Variants in SYT7 observed in about 807,000 individuals in gnomAD.
The protein encoded by SYT7 is synaptotagmin-7.
In SYT7, 29 loss-of-function variants were observed where a neutral mutation model predicts 75.1. The ratio of observed to expected loss-of-function variants is 0.39; its 90% CI spans 0.29 to 0.53. The LOEUF (loss-of-function observed/expected upper bound fraction) is 0.53. Among genes scored for constraint, SYT7 ranks in the 20% least tolerant of loss-of-function variants. The pLI is 0.77. For missense variants in SYT7, 693 were observed against 953.2 expected (o/e 0.73, Z 3.59); for synonymous variants, 376 against 401.7 (o/e 0.94, Z 0.76).
rs182522257 is a variant in SYT7 at position 61,562,887 on chromosome 11, A to C, written c.32-6680T>G. ...TCAGCAAGATGATTTATGGATGAACAGAATCAAACAGGGCTGCTGGCTGCT... is the reference window on the plus strand; with the variant it reads ...TCAGCAAGATGATTTATGGATGAACCGAATCAAACAGGGCTGCTGGCTGCT... On this transcript the variant is annotated intron_variant, in intron 1 of 12. Coordinates refer to ENST00000539008, the MANE Select transcript of SYT7 (RefSeq NM_001365809.2). 3.0e-3 allele frequency among the ~76,000 whole-genome samples: 463 copies of C among 152,330 alleles called. 6 individuals carry two copies. In the South Asian group the frequency reaches 0.038, roughly 13 times the overall value.
Position 61,537,477 on chromosome 11 carries a change from C to T in SYT7, c.1064+667G>A, listed in dbSNP as rs368127228. On this transcript the variant is annotated intron_variant, in intron 7 of 12. Transcript: ENST00000539008. ...GCTATGCCCAGTCTCCACAGGGTCCCGAGGCCAGCCGCAGTGAAAAGGAGC... is the reference window on the plus strand; with the variant it reads ...GCTATGCCCAGTCTCCACAGGGTCCTGAGGCCAGCCGCAGTGAAAAGGAGC... Among the ~76,000 whole-genome samples, 9 of 152,310 alleles carry T rather than the reference C, an allele frequency of 5.9e-5. No individual in the cohort carries two copies. In the South Asian group the frequency reaches 6.2e-4, roughly 11 times the overall value.
chr11:61,577,543 C>T (rs2135459563), intron 1 of SYT7, among the ~76,000 whole-genome samples: 1 of 152,350 alleles, frequency 6.6e-6, no homozygotes, highest in African/African-American at 2.4e-5. Flanking sequence ...ACCTCCCTCA[C>T]CCGCCATCAG....
At chr11:61,563,175 C>T (rs1255604870) in intron 1 of SYT7, among the ~76,000 whole-genome samples, 1 of 152,202 alleles carries the variant, frequency 6.6e-6, no homozygotes, top group East Asian at 1.9e-4. Context: ...ATTCTCTCCC[C>T]ATGAATTTGC....
At chr11:61,520,323 A>C (rs919447801) in intron 12 of SYT7, among the ~76,000 whole-genome samples, 11 of 152,040 alleles carry the variant, frequency 7.2e-5, no homozygotes, top group African/African-American at 2.7e-4. Flanking sequence ...CAGGAGTTTG[A>C]GACCAGATTG....
chr11:61,562,033 C>T (rs955906089), intron 1 of SYT7, among the ~76,000 whole-genome samples: 1 of 150,682 alleles, frequency 6.6e-6, no homozygotes, highest in African/African-American at 2.5e-5. Context: ...CACACACATG[C>T]ATGCACACAC....
At chr11:61,529,519 C>T (rs1813974538) in intron 8 of SYT7, among the ~76,000 whole-genome samples, 1 of 152,224 alleles carries the variant, frequency 6.6e-6, no homozygotes, top group South Asian at 2.1e-4. Context: ...GACTCAAAAT[C>T]CTGCTCTTTC....
upstream of SYT7, among the ~76,000 whole-genome samples, chr11:61,581,865 A>G (rs144871523): frequency 3.9e-5 from 6 of 152,200 alleles, no homozygotes; most frequent in East Asian, 9.7e-4. Context: ...TCTCCTTCCA[A>G]CCCTGGACCT....
In SYT7 at chr11:61,554,896, GT is replaced by G. The variant is rs751835464; in HGVS notation, c.135+1207del. On this transcript the variant is annotated intron_variant, in intron 2 of 12. Transcript: ENST00000539008. ...CCTCCACTATGGCTCCTCCCCAGGGGTCGGAGCTGCCTGAAGTTCAACACCC... is the reference window on the plus strand; with the variant it reads ...CCTCCACTATGGCTCCTCCCCAGGGGCGGAGCTGCCTGAAGTTCAACACCC... 1.9e-3 allele frequency among the ~76,000 whole-genome samples: 284 copies of G among 152,312 alleles called. 1 individual carries two copies. The highest frequency in any genetic ancestry group is 0.01 in the Middle Eastern group (3 of 294).
rs1018827880 is a variant in SYT7 at position 61,546,905 on chromosome 11, G to C, written c.347+272C>G. Among the ~76,000 whole-genome samples, 3 of 152,084 alleles carry C rather than the reference G, an allele frequency of 2.0e-5. No individual in the cohort carries two copies. The highest frequency in any genetic ancestry group is 4.4e-5 in the Non-Finnish European group (3 of 68,002). On this transcript the variant is annotated intron_variant, in intron 4 of 12. Transcript: ENST00000539008. The surrounding 1 kb of genome is among the most constrained non-coding windows in gnomAD (Gnocchi z 7.6). ...GGTGGGGTGGGCCCCGGGACCAGCT[G>C]GGGGGGCCAGGTATGGCTGCCGAGG... is the stretch of plus-strand genomic sequence containing the variant.
rs11820517 is a variant in SYT7, at chr11:61,576,553, C to T, written c.31+4237G>A. Among the ~76,000 whole-genome samples, 8,022 of 152,300 alleles carry T rather than the reference C, an allele frequency of 0.053. 428 individuals are homozygous for T. The highest frequency in any genetic ancestry group is 0.14 in the African/African-American group (5,705 of 41,546). On this transcript the variant is annotated intron_variant, in intron 1 of 12. Coordinates refer to ENST00000539008, the MANE Select transcript of SYT7 (RefSeq NM_001365809.2). The surrounding 1 kb of genome is among the most constrained non-coding windows in gnomAD (Gnocchi z 4.1). The stretch of plus-strand genomic sequence containing the variant: ...TTCTCCAGCTGGGGGTCATCAGCTC[C>T]GGACTGGGCCTCCCGCCCCCACGTG...
intron 1 of SYT7, among the ~76,000 whole-genome samples, chr11:61,562,466 CTG>C (rs2063662974): frequency 6.6e-6 from 1 of 152,162 alleles, no homozygotes; most frequent in Non-Finnish European, 1.5e-5. Context: ...AGCACAGTGC[CTG>C]ACACGGAATA....
At position 61,527,628 on chromosome 11, in the gene SYT7, T is replaced by C. The variant is rs142657591; in HGVS notation, c.1471+287A>G. On this transcript the variant is annotated intron_variant, in intron 9 of 12. Transcript: ENST00000539008. ...GCCTCTGGCTGTGATGCTGGCTCCA[T>C]TGGGCTCCTGTGACCTGATCCCAAC... Among the ~76,000 whole-genome samples, 652 of 152,250 alleles carry C rather than the reference T, an allele frequency of 4.3e-3. 4 individuals are homozygous for C. Among genetic ancestry groups the C allele is most frequent in the African/African-American group, 0.013 (540 of 41,548 alleles).
In SYT7 at chr11:61,523,374, T is replaced by G; in HGVS notation, c.1757-100A>C. On this transcript the variant is annotated intron_variant, in intron 11 of 12. Transcript: ENST00000539008. The surrounding 1 kb of genome is among the most constrained non-coding windows in gnomAD (Gnocchi z 5.0). ...AATGGAAGCTGAGGCAGGAGGGCCGTGTGCTTTCCCCAGAGGCAAGGAAAG... is the reference window on the plus strand; with the variant it reads ...AATGGAAGCTGAGGCAGGAGGGCCGGGTGCTTTCCCCAGAGGCAAGGAAAG... The G allele has an allele frequency of 8.3e-7, 1 of 1,200,852 alleles. No homozygotes were observed. The highest frequency in any genetic ancestry group is 1.2e-6 in the Non-Finnish European group (1 of 822,260). The allele number at this position is 1,200,852 out of a possible 1,614,324, so 74.4% of individuals were successfully genotyped here.
chr11:61,549,187 AC>A (rs1452740894), intron 3 of SYT7, among the ~76,000 whole-genome samples: 3 of 151,774 alleles, frequency 2.0e-5, no homozygotes, highest in Admixed American at 2.0e-4. Flanking sequence ...AAAAAAATCC[AC>A]CCAGAGTCAC....
intron 2 of SYT7, among the ~76,000 whole-genome samples, chr11:61,554,246 C>A (rs1026105669): frequency 6.6e-6 from 1 of 152,038 alleles, no homozygotes; most frequent in Non-Finnish European, 1.5e-5. Context: ...GGGGTGGAGA[C>A]CAGTTACAGT....
In SYT7 at chr11:61,576,378, A is replaced by G. The variant is rs1257642156; in HGVS notation, c.31+4412T>C. Reference sequence around the variant, plus strand: ...GCTGGTGCCGGCACCTGGCCAGACCAGTGACTGCCCCGACGAGAGAAAGTT... The same window carrying G: ...GCTGGTGCCGGCACCTGGCCAGACCGGTGACTGCCCCGACGAGAGAAAGTT... On this transcript the variant is annotated intron_variant, in intron 1 of 12. Coordinates refer to ENST00000539008, the MANE Select transcript of SYT7 (RefSeq NM_001365809.2). This position sits in a 1 kb window ranked among gnomAD's most constrained non-coding sequence, Gnocchi z 4.1. Among the ~76,000 whole-genome samples, 1 of 152,184 alleles carries G rather than the reference A, an allele frequency of 6.6e-6. No individual in the cohort carries two copies. The highest frequency in any genetic ancestry group is 1.5e-5 in the Non-Finnish European group (1 of 68,006).
chr11:61,584,409 G>GAAAAA (rs1298457338), upstream of SYT7, among the ~76,000 whole-genome samples: 1 of 149,286 alleles, frequency 6.7e-6, no homozygotes, highest in Non-Finnish European at 1.5e-5. Context: ...AAAAAAAAAG[G>GAAAAA]AAAAAAAAAG....
At position 61,515,261 on chromosome 11, in the gene SYT7, C is replaced by T. The variant is rs1278648711; in HGVS notation, c.*3366G>A. On this transcript the variant is annotated 3_prime_UTR_variant, in exon 13 of 13. Coordinates refer to ENST00000539008, the MANE Select transcript of SYT7 (RefSeq NM_001365809.2). ...ATCCCCTTCACCCCACTGCCTCTGCCCCCAGGGAGGTGAGGGAGGGCTGGG... is the reference window on the plus strand; with the variant it reads ...ATCCCCTTCACCCCACTGCCTCTGCTCCCAGGGAGGTGAGGGAGGGCTGGG... 1.3e-5 allele frequency: 2 copies of T among 152,282 alleles called. No individual in the cohort carries two copies. The highest frequency in any genetic ancestry group is 2.9e-5 in the Non-Finnish European group (2 of 68,100). The allele number at this position is 152,282 out of a possible 1,614,324, so 9.4% of individuals were successfully genotyped here. A position where few individuals can be genotyped will look rare whatever the true frequency, so the allele number is the denominator to read the frequency against.
At chr11:61,573,954 G>A (rs2063995356) in intron 1 of SYT7, among the ~76,000 whole-genome samples, 1 of 152,246 alleles carries the variant, frequency 6.6e-6, no homozygotes, top group Non-Finnish European at 1.5e-5. Flanking sequence ...TGAGGATGGA[G>A]GCGCTAACGC....
Sources: gnomAD v4.1 joint callset for allele counts (sites outside exome capture counted in the v4.1 genomes callset) on GRCh38, gnomAD v4.1.1 for gene constraint, Gnocchi (gnomAD v3.1) non-coding constraint, MANE v1.5 for transcripts, NCBI Gene and HGNC (gene_info 2026-07-23, HGNC 2026-07-21) for gene names.